The following LMBR1 variants were observed in gnomAD, a reference collection of about 807,000 sequenced individuals.
The protein encoded by LMBR1 is limb development membrane protein 1.
LMBR1 carries 52 observed loss-of-function variants against 73.9 expected under a neutral mutation model. The observed-to-expected ratio is 0.70, with a 90% confidence interval of 0.56 to 0.89. The LOEUF (loss-of-function observed/expected upper bound fraction) is 0.89. Ranked by LOEUF, LMBR1 falls within the 40% of genes least tolerant of loss-of-function variation. LMBR1 has a pLI of 0.00. For synonymous variants in LMBR1, 215 were observed against 209.4 expected, an observed-to-expected ratio of 1.03 and a Z score of -0.23; for missense variants, 539 against 579.8, an observed-to-expected ratio of 0.93 and a Z score of 0.72.
In LMBR1 at chr7:156,796,502, G is replaced by T; in HGVS notation, c.320-10C>A. The stretch of plus-strand genomic sequence containing the variant: ...GCAAGATTCCACAAACCTATAAAAA[G>T]GGTAACAAGAAAAGAAGAAAAACAG... On this transcript the variant is annotated splice_polypyrimidine_tract_variant and intron_variant, in intron 4 of 16. Coordinates refer to ENST00000353442, the MANE Select transcript of LMBR1 (RefSeq NM_022458.4). 1 of 1,561,224 alleles carries T rather than the reference G, an allele frequency of 6.4e-7. No homozygotes were observed. The highest frequency in any genetic ancestry group is 1.2e-5 in the South Asian group (1 of 83,308).
At chr7:156,859,772 A>G (rs2134176119) in intron 1 of LMBR1, among the ~76,000 whole-genome samples, 1 of 152,312 alleles carries the variant, frequency 6.6e-6, no homozygotes, top group South Asian at 2.1e-4. Flanking sequence ...ATCCCAGTAA[A>G]TTATTTTCTG....
chr7:156,760,281 A>C (rs570549998), intron 8 of LMBR1, among the ~76,000 whole-genome samples: 1 of 140,838 alleles, frequency 7.1e-6, no homozygotes, highest in East Asian at 1.9e-4. Flanking sequence ...GAGACAAGTT[A>C]AGGAGAAAAA....
At chr7:156,848,931 A>AG (rs1163495826) in intron 1 of LMBR1, among the ~76,000 whole-genome samples, 4 of 58,444 alleles carry the variant, frequency 6.8e-5, no homozygotes, top group Non-Finnish European at 1.4e-4. Flanking sequence ...ACTCTGTCTC[A>AG]AAAAAAAAAA....
chr7:156,816,163 TC>T (rs1833883659), intron 4 of LMBR1, among the ~76,000 whole-genome samples: 1 of 152,140 alleles, frequency 6.6e-6, no homozygotes, highest in African/African-American at 2.4e-5. Flanking sequence ...AGATAGTTTA[TC>T]AAAAGCTAAA....
intron 12 of LMBR1, among the ~76,000 whole-genome samples, chr7:156,726,878 G>A (rs115025699): frequency 1.9e-3 from 289 of 152,040 alleles, no homozygotes; most frequent in African/African-American, 6.2e-3. Context: ...CGAGGACACC[G>A]AGAAGAATAT....
chr7:156,858,397 A>G (rs1797272268), intron 1 of LMBR1, among the ~76,000 whole-genome samples: 1 of 152,248 alleles, frequency 6.6e-6, no homozygotes, highest in East Asian at 1.9e-4. Context: ...TCATATTACT[A>G]GTTCTATGTC....
intron 5 of LMBR1, among the ~76,000 whole-genome samples, chr7:156,774,093 G>A (rs1178330863): frequency 6.6e-6 from 1 of 152,020 alleles, no homozygotes; most frequent in Non-Finnish European, 1.5e-5. Flanking sequence ...AATACATGTG[G>A]CCAAGAAGCA....
chr7:156,867,181 G>C (rs181180079), intron 1 of LMBR1, among the ~76,000 whole-genome samples: 1 of 152,306 alleles, frequency 6.6e-6, no homozygotes, highest in Admixed American at 6.5e-5. Flanking sequence ...AACATCATTA[G>C]TCATCAGTAA....
At chr7:156,791,151 T>C (rs1829152451) in intron 5 of LMBR1, among the ~76,000 whole-genome samples, 1 of 152,312 alleles carries the variant, frequency 6.6e-6, no homozygotes, top group African/African-American at 2.4e-5. Flanking sequence ...TAATAAACAC[T>C]AAGATCAAAA....
At chr7:156,703,496 G>A (rs1423910330) in intron 15 of LMBR1, among the ~76,000 whole-genome samples, 1 of 152,128 alleles carries the variant, frequency 6.6e-6, no homozygotes, top group African/African-American at 2.4e-5. Flanking sequence ...TAGATACCTG[G>A]GTTCGCTGCC....
Position 156,889,053 on chromosome 7 carries a change from C to CA in LMBR1, c.66+3874dup, listed in dbSNP as rs879634101. Among the ~76,000 whole-genome samples the CA allele has an allele frequency of 1.6e-3, 224 of 137,986 alleles. 1 individual carries two copies. The highest frequency in any genetic ancestry group is 4.7e-3 in the African/African-American group (176 of 37,326). 90.5% of individuals were successfully genotyped at this position (137,986 alleles called of 152,430 possible). A position where few individuals can be genotyped will look rare whatever the true frequency, so the allele number is the denominator to read the frequency against. On this transcript the variant is annotated intron_variant, in intron 1 of 16. Transcript: ENST00000353442. ...TGGGCAACAGAGAAAGACTCTGTCT[C>CA]AAAAAAAAAAAAGAAAGAAAAAGAA...
intron 4 of LMBR1, among the ~76,000 whole-genome samples, chr7:156,818,770 TC>T (rs1167118167): frequency 1.3e-5 from 2 of 152,248 alleles, no homozygotes; most frequent in African/African-American, 4.8e-5. Flanking sequence ...TTTCATATTT[TC>T]CTATTAATTT....
intron 9 of LMBR1, among the ~76,000 whole-genome samples, chr7:156,745,167 T>C (rs1450330925): frequency 6.6e-6 from 1 of 152,188 alleles, no homozygotes; most frequent in Non-Finnish European, 1.5e-5. Flanking sequence ...CTTTTTTTGT[T>C]TGTCTATTAA....
At chr7:156,803,754 CAAT>C (rs1308158016) in intron 4 of LMBR1, among the ~76,000 whole-genome samples, 8 of 151,916 alleles carry the variant, frequency 5.3e-5, no homozygotes, top group African/African-American at 1.2e-4. Context: ...AAATATCCAA[CAAT>C]GATAGACTGG....
chr7:156,769,138 A>G (rs1824701910), intron 5 of LMBR1, among the ~76,000 whole-genome samples: 1 of 152,124 alleles, frequency 6.6e-6, no homozygotes, highest in Non-Finnish European at 1.5e-5. Flanking sequence ...AAGCTACATC[A>G]CAGATGGAAT....
rs977272519 is a variant in LMBR1 at position 156,669,902 on chromosome 7, T to C, written n.867-615A>G. Among the ~76,000 whole-genome samples, 1 of 152,156 alleles carries C rather than the reference T, an allele frequency of 6.6e-6. No individual in the cohort carries two copies. Among genetic ancestry groups the C allele is most frequent in the African/African-American group, 2.4e-5 (1 of 41,440 alleles). ...CAGGTGACAGGAGGGCGGGCGGTCATGGCCTAGTGCCATGAAAATGAAACA... is the reference window on the plus strand; with the variant it reads ...CAGGTGACAGGAGGGCGGGCGGTCACGGCCTAGTGCCATGAAAATGAAACA... On this transcript the variant is annotated intron_variant and non_coding_transcript_variant, in intron 4 of 4. Coordinates refer to the LMBR1 transcript ENST00000430825. This position sits in a 1 kb window ranked among gnomAD's most constrained non-coding sequence, Gnocchi z 4.2.
At chr7:156,845,899 A>G (rs772606030) in intron 1 of LMBR1, among the ~76,000 whole-genome samples, 1 of 152,068 alleles carries the variant, frequency 6.6e-6, no homozygotes, top group South Asian at 2.1e-4. Context: ...AGAATGGTGT[A>G]AACCACAATG....
intron 15 of LMBR1, 42 bp from the exon 16 acceptor site, chr7:156,688,233 A>C: frequency 7.0e-7 from 1 of 1,431,602 alleles, no homozygotes; most frequent in East Asian, 2.3e-5. Flanking sequence ...AAATCAGGTT[A>C]AGACATATTT....
At chr7:156,783,985 TG>T (rs1221637909) in intron 5 of LMBR1, among the ~76,000 whole-genome samples, 1 of 148,386 alleles carries the variant, frequency 6.7e-6, no homozygotes, top group African/African-American at 2.5e-5. Context: ...TTTGTTATTT[TG>T]GGTTTTTTTC....
Sources: allele counts gnomAD v4.1 joint callset (sites outside exome capture counted in the v4.1 genomes callset), GRCh38; gene constraint gnomAD v4.1.1; non-coding constraint Gnocchi (gnomAD v3.1); transcripts MANE v1.5; gene names NCBI Gene and HGNC (gene_info 2026-07-23, HGNC 2026-07-21).